The following RPH3AL variants were observed in gnomAD, a reference collection of about 807,000 sequenced individuals.
RPH3AL encodes the protein rabphilin 3A like (without C2 domains).
RPH3AL carries 38 observed loss-of-function variants against 43.1 expected under a neutral mutation model. The observed-to-expected ratio is 0.88, with a 90% CI of 0.68 to 1.15. RPH3AL has a LOEUF of 1.15. RPH3AL is among the 50% of genes most tolerant of loss of function. The pLI is 0.00. For missense variants in RPH3AL, 462 were observed against 423.2 expected (o/e 1.09, Z -0.81); for synonymous variants, 189 against 176.3 (o/e 1.07, Z -0.57).
In RPH3AL at chr17:325,155, C is replaced by T. The variant is rs1455328996; in HGVS notation, c.77+2312G>A. The stretch of plus-strand genomic sequence containing the variant: ...GGATTACAGGCGTGAGCCACCGCGA[C>T]CGGCCTATTCTTTTTAAAGACTTCT... On this transcript the variant is annotated intron_variant, in intron 3 of 9. Coordinates refer to ENST00000331302, the MANE Select transcript of RPH3AL (RefSeq NM_006987.4). Among the ~76,000 whole-genome samples, 9 of 152,238 alleles carry T rather than the reference C, an allele frequency of 5.9e-5. No homozygotes were observed. In the East Asian group the frequency reaches 1.5e-3, roughly 26 times the overall value.
chr17:259,508 C>G (rs971360726), intron 6 of RPH3AL, among the ~76,000 whole-genome samples: 2 of 152,138 alleles, frequency 1.3e-5, no homozygotes, highest in Non-Finnish European at 2.9e-5. Context: ...TACCCCTCCC[C>G]GCCCAGGAAT....
At position 321,292 on chromosome 17, in the gene RPH3AL, G is replaced by A; in HGVS notation, c.201C>T (p.Val67=). The change falls in exon 4 of 10, where the codon GTC becomes GTT. Residue 67 remains valine, a synonymous_variant. Coordinates refer to ENST00000331302, the MANE Select transcript of RPH3AL (RefSeq NM_006987.4). The part of the protein sequence containing the change: ...QVIQRAERLD[V]LEQQRIGRLV... ...CTCACCCGATTCTCTGCTGCTCCAG[G>A]ACGTCGAGCCGCTCTGCCCTCTGGA... The A allele has an allele frequency of 1.9e-6, 3 of 1,609,136 alleles. No individual in the cohort carries two copies. Among genetic ancestry groups the A allele is most frequent in the African/African-American group, 1.3e-5 (1 of 75,040 alleles).
intron 5 of RPH3AL, 150 bp downstream of exon 5, chr17:319,270 T>C: frequency 2.1e-6 from 2 of 963,740 alleles, no homozygotes; most frequent in Non-Finnish European, 3.0e-6. Flanking sequence ...ATTTGGTTTT[T>C]AAGTCTTAGT....
intron 1 of RPH3AL, among the ~76,000 whole-genome samples, chr17:341,588 T>C (rs970098923): frequency 6.6e-6 from 1 of 152,246 alleles, no homozygotes; most frequent in Non-Finnish European, 1.5e-5. Flanking sequence ...ACTTCAGATT[T>C]GGCAGTGATT....
At chr17:272,985 T>TCAGGGAGAGACCCCAGCGAGGGCG (rs1567604470) in intron 6 of RPH3AL, among the ~76,000 whole-genome samples, 3 of 36,378 alleles carry the variant, frequency 8.2e-5, no homozygotes, top group Admixed American at 3.2e-4. Flanking sequence ...CAGCAAGGGC[T>TCAGGGAGAGACCCCAGCGAGGGCG]ACGTCAGGGT....
At chr17:260,442 A>G (rs782064419) in intron 6 of RPH3AL, among the ~76,000 whole-genome samples, 5 of 152,186 alleles carry the variant, frequency 3.3e-5, no homozygotes, top group Non-Finnish European at 4.4e-5. Flanking sequence ...GGAGCCTGCT[A>G]TGTTACTGAC....
At position 328,616 on chromosome 17, in the gene RPH3AL, G is replaced by GCA. The variant is rs2044672914; in HGVS notation, c.-36-1039_-36-1038dup. Among the ~76,000 whole-genome samples the GCA allele has an allele frequency of 6.6e-6, 1 of 152,118 alleles. No individual in the cohort carries two copies. Among genetic ancestry groups the GCA allele is most frequent in the Non-Finnish European group, 1.5e-5 (1 of 68,036 alleles). ...AACCTGTACACAAACGTTCTTAGCA[G>GCA]CACTATTCATGACCGCCAAAAGCAG... On this transcript the variant is annotated intron_variant, in intron 2 of 9. Transcript: ENST00000331302. The surrounding 1 kb of genome is among the most constrained non-coding windows in gnomAD (Gnocchi z 4.2).
intron 7 of RPH3AL, among the ~76,000 whole-genome samples, chr17:227,332 G>C (rs2041129768): frequency 6.8e-6 from 1 of 147,144 alleles, no homozygotes; most frequent in Non-Finnish European, 1.5e-5. Flanking sequence ...CACGGAGCGG[G>C]GGGAAGAGTC....
In RPH3AL at chr17:290,426, A is replaced by G. The variant is rs1333839550; in HGVS notation, c.352-8572T>C. On this transcript the variant is annotated intron_variant, in intron 5 of 9. Transcript: ENST00000331302. The surrounding 1 kb of genome is among the most constrained non-coding windows in gnomAD (Gnocchi z 4.2). Reference sequence around the variant, plus strand: ...CGGGGATGTTTACCAGACCATTCCCATGACGGCTCCTGCCTGCCTCCCCCG... The same window carrying G: ...CGGGGATGTTTACCAGACCATTCCCGTGACGGCTCCTGCCTGCCTCCCCCG... Among the ~76,000 whole-genome samples the G allele has an allele frequency of 1.3e-5, 2 of 152,010 alleles. No homozygotes were observed. The highest frequency in any genetic ancestry group is 2.4e-5 in the African/African-American group (1 of 41,380).
At chr17:309,251 C>T (rs2043574213) in intron 5 of RPH3AL, among the ~76,000 whole-genome samples, 1 of 152,202 alleles carries the variant, frequency 6.6e-6, no homozygotes, top group South Asian at 2.1e-4. Flanking sequence ...GCCCTGTTTG[C>T]CACTGCACTC....
intron 5 of RPH3AL, among the ~76,000 whole-genome samples, chr17:293,002 C>T (rs543011386): frequency 1.3e-5 from 2 of 152,232 alleles, no homozygotes; most frequent in African/African-American, 2.4e-5. Flanking sequence ...CTTCCCACCC[C>T]ACGTCCTCCA....
intron 7 of RPH3AL, among the ~76,000 whole-genome samples, chr17:228,292 C>A (rs1007990334): frequency 6.6e-6 from 1 of 152,190 alleles, no homozygotes; most frequent in African/African-American, 2.4e-5. Context: ...ATCCTCCCGC[C>A]TCGGTCTCCC....
At chr17:233,852 T>TTC (rs1219722644) in intron 7 of RPH3AL, among the ~76,000 whole-genome samples, 39 of 137,922 alleles carry the variant, frequency 2.8e-4, no homozygotes, top group African/African-American at 9.9e-4. Flanking sequence ...CTGACCAACT[T>TTC]CCCTGAGCAG....
rs561067585 is a variant in RPH3AL at position 296,189 on chromosome 17, G to A, written c.352-14335C>T. On this transcript the variant is annotated intron_variant, in intron 5 of 9. Transcript: ENST00000331302. ...GCAGACATGAACGGGCAGAGGGAAT[G>A]CACATCGGTGTGGGAGGGACAGAGG... Among the ~76,000 whole-genome samples the A allele has an allele frequency of 2.4e-5, 3 of 126,498 alleles. 1 individual carries two copies. Among genetic ancestry groups the A allele is most frequent in the East Asian group, 7.0e-4 (2 of 2,846 alleles). The allele number at this position is 126,498 out of a possible 152,430, so 83.0% of individuals were successfully genotyped here. A position where few individuals can be genotyped will look rare whatever the true frequency, so the allele number is the denominator to read the frequency against.
At chr17:315,277 A>C (rs2043942372) in intron 5 of RPH3AL, among the ~76,000 whole-genome samples, 4 of 140,280 alleles carry the variant, frequency 2.9e-5, no homozygotes, top group South Asian at 2.4e-4. Context: ...ATTGACCTGT[A>C]GTCCCTGTGC....
rs2040766340 is a variant in RPH3AL at position 215,170 on chromosome 17, A to G, written c.876+484T>C. On this transcript the variant is annotated intron_variant, in intron 9 of 9. Coordinates refer to ENST00000331302, the MANE Select transcript of RPH3AL (RefSeq NM_006987.4). The surrounding 1 kb of genome is among the most constrained non-coding windows in gnomAD (Gnocchi z 4.1). ...GACAGGGCTGATCCTGCACCTGCGC[A>G]GTTTTCTCTGGCTTCAGTTTAAGGA... Among the ~76,000 whole-genome samples the G allele has an allele frequency of 6.6e-6, 1 of 152,122 alleles. No individual in the cohort carries two copies. Among genetic ancestry groups the G allele is most frequent in the Admixed American group, 6.5e-5 (1 of 15,284 alleles).
intron 6 of RPH3AL, among the ~76,000 whole-genome samples, chr17:275,953 A>G (rs573298851): frequency 1.1e-4 from 17 of 152,320 alleles, no homozygotes; most frequent in African/African-American, 4.1e-4. Flanking sequence ...CACAGCGGGA[A>G]TGGAATGGAA....
intron 6 of RPH3AL, among the ~76,000 whole-genome samples, chr17:250,844 C>G (rs1443413687): frequency 2.6e-5 from 4 of 151,540 alleles, no homozygotes; most frequent in African/African-American, 9.7e-5. Flanking sequence ...AGCTCCATCA[C>G]TGCAGGACCT....
At chr17:238,475 G>A (rs34347588) in intron 7 of RPH3AL, among the ~76,000 whole-genome samples, 13,657 of 152,224 alleles carry the variant, frequency 0.09, 739 homozygotes, top group Admixed American at 0.12. Context: ...AGAGAACAAC[G>A]TCCACCTGAG....
Sources: allele counts gnomAD v4.1 joint callset (sites outside exome capture counted in the v4.1 genomes callset), GRCh38; gene constraint gnomAD v4.1.1; non-coding constraint Gnocchi (gnomAD v3.1); transcripts MANE v1.5; gene names NCBI Gene and HGNC (gene_info 2026-07-23, HGNC 2026-07-21).